AMACR: variants seen among roughly 807,000 people sequenced by gnomAD.
AMACR encodes the protein alpha-methylacyl-CoA racemase.
In AMACR, 18 loss-of-function variants were observed where a neutral mutation model predicts 22.2. That is an observed-to-expected ratio of 0.81 (90% CI 0.56 to 1.20). The LOEUF (loss-of-function observed/expected upper bound fraction) is 1.20. AMACR is among the 50% of genes most tolerant of loss of function. AMACR has a pLI of 0.00. For missense variants in AMACR, 499 were observed against 490.6 expected (o/e 1.02, Z -0.16); for synonymous variants, 213 against 191.3 (o/e 1.11, Z -0.94).
chr5:33,989,580 C>A, intron 4 of AMACR, 78 bp from the exon 5 acceptor site: 1 of 1,184,258 alleles, frequency 8.4e-7, no homozygotes. Flanking sequence ...ATGCTGAGCC[C>A]ACTGTACTAT....
At chr5:33,993,617 G>T (rs1753548326) in intron 4 of AMACR, among the ~76,000 whole-genome samples, 1 of 152,146 alleles carries the variant, frequency 6.6e-6, no homozygotes, top group Non-Finnish European at 1.5e-5. Context: ...TAGTTTGAAG[G>T]CCAGGAGTGG....
Position 33,986,942 on chromosome 5 carries a change from G to C in AMACR, c.*2151C>G, listed in dbSNP as rs901801897. The C allele has an allele frequency of 6.6e-6, 1 of 152,292 alleles. No homozygotes were observed. Among genetic ancestry groups the C allele is most frequent in the African/African-American group, 2.4e-5 (1 of 41,558 alleles). 9.4% of individuals were successfully genotyped at this position (152,292 alleles called of 1,614,324 possible). The stretch of plus-strand genomic sequence containing the variant: ...CCTCTGTTTTAAAGACTTCGAGTGG[G>C]TTATATTTTCCTTGCTGGACCGAGT... On this transcript the variant is annotated 3_prime_UTR_variant, in exon 5 of 5. Transcript: ENST00000335606.
intron 4 of AMACR, among the ~76,000 whole-genome samples, chr5:33,992,545 C>CA (rs1391794766): frequency 6.6e-6 from 1 of 151,790 alleles, no homozygotes; most frequent in Non-Finnish European, 1.5e-5. Flanking sequence ...CCTGTCTCTA[C>CA]AAAAAAATCA....
intron 1 of AMACR, 129 bp from the exon 2 acceptor site, chr5:34,006,028 A>T (rs1753966529): frequency 1.8e-6 from 2 of 1,110,904 alleles, no homozygotes; most frequent in Non-Finnish European, 2.6e-6. Flanking sequence ...GGCTAATGGC[A>T]TGTTTACAGC....
rs1753368839 is a variant in AMACR, at chr5:33,988,534, AG to A, written c.*558del. The A allele has an allele frequency of 5.7e-6, 8 of 1,396,002 alleles. No individual in the cohort carries two copies. Among genetic ancestry groups the A allele is most frequent in the Non-Finnish European group, 7.4e-6 (8 of 1,079,034 alleles). The allele number at this position is 1,396,002 out of a possible 1,614,324, so 86.5% of individuals were successfully genotyped here. On this transcript the variant is annotated 3_prime_UTR_variant, in exon 5 of 5. Coordinates refer to ENST00000335606, the MANE Select transcript of AMACR (RefSeq NM_014324.6). ...TTTTGGATATGTTTTTTTCAGTTGA[AG>A]GCATTCTGATTCAATACAGGTGAAA...
rs34689 is a variant in AMACR at position 34,007,604 on chromosome 5, A to C, written c.247+169T>G. ...AAGTTTTGGACAATCCAGTTTGGGA[A>C]GAATGATCACTAACAATACCCTAGG... On this transcript the variant is annotated intron_variant, in intron 1 of 4. Transcript: ENST00000335606. Among the ~76,000 whole-genome samples the C allele has an allele frequency of 0.25, 38,752 of 152,086 alleles. 6,335 individuals carry two copies. The highest frequency in any genetic ancestry group is 0.47 in the African/African-American group (19,527 of 41,426).
At chr5:33,998,299 TG>T (rs1396949948) in intron 4 of AMACR, among the ~76,000 whole-genome samples, 4 of 152,178 alleles carry the variant, frequency 2.6e-5, no homozygotes, top group Non-Finnish European at 5.9e-5. Context: ...GAATATTGAA[TG>T]GAAAGCAACC....
chr5:33,989,601 A>T, intron 4 of AMACR, 99 bp from the exon 5 acceptor site: 1 of 1,009,668 alleles, frequency 9.9e-7, no homozygotes, highest in Middle Eastern at 2.1e-4. Flanking sequence ...GCAAAATAAG[A>T]TGTTCTATAA....
intron 3 of AMACR, among the ~76,000 whole-genome samples, chr5:34,003,284 G>A (rs1272359449): frequency 6.6e-6 from 1 of 152,072 alleles, no homozygotes; most frequent in African/African-American, 2.4e-5. Context: ...ATCCCACCTG[G>A]ATATCTGAAA....
At position 34,005,783 on chromosome 5, in the gene AMACR, G is replaced by A. The variant is rs1279600909; in HGVS notation, c.364C>T (p.His122Tyr). ...GACAAAGCCAAATAGTTGATATCGT[G>A]GCCAGCTAACCGGCAGAAGCTTCCT... ...QSGSFCRLAG[H>Y]DINYLALSGV... Residue 122 changes from histidine to tyrosine, a missense_variant, in exon 2 of 5, where the codon CAC (histidine) becomes TAC (tyrosine). By Grantham distance (83) the His-to-Tyr change is moderately conservative. Transcript: ENST00000335606. 3.1e-6 allele frequency: 5 copies of A among 1,613,892 alleles called. No individual in the cohort carries two copies. The highest frequency in any genetic ancestry group is 1.3e-5 in the African/African-American group (1 of 74,850).
At chr5:33,997,039 T>A (rs1753659046) in intron 4 of AMACR, 1 of 675,636 alleles carries the variant, frequency 1.5e-6, no homozygotes, top group Non-Finnish European at 2.7e-6. Context: ...TAAAACTTAT[T>A]TAAGTCACTT....
intron 2 of AMACR, among the ~76,000 whole-genome samples, chr5:34,005,027 T>C (rs1753930078): frequency 1.3e-5 from 2 of 152,232 alleles, no homozygotes; most frequent in Admixed American, 6.5e-5. Context: ...ATTATTTATT[T>C]TGTGGTTTTA....
chr5:33,996,740 C>T (rs1352445150), intron 4 of AMACR, among the ~76,000 whole-genome samples: 1 of 152,078 alleles, frequency 6.6e-6, no homozygotes, highest in Non-Finnish European at 1.5e-5. Context: ...CCACTGCACT[C>T]CAGCCTTGGC....
chr5:33,988,153 C>A lies in AMACR; in HGVS notation c.*940G>T. The A allele has an allele frequency of 1.6e-6, 1 of 624,970 alleles. No homozygotes were observed. The highest frequency in any genetic ancestry group is 2.8e-5 in the East Asian group (1 of 35,712). 38.7% of individuals were successfully genotyped at this position (624,970 alleles called of 1,614,324 possible). On this transcript the variant is annotated 3_prime_UTR_variant, in exon 5 of 5. Coordinates refer to ENST00000335606, the MANE Select transcript of AMACR (RefSeq NM_014324.6). ...GTGGAATCTACCCCTTCCTCACATGCCTTTAGGAAGTTGAGTCCAGGGAAG... is the reference window on the plus strand; with the variant it reads ...GTGGAATCTACCCCTTCCTCACATGACTTTAGGAAGTTGAGTCCAGGGAAG...
chr5:34,001,241 T>C (rs1191853967), intron 3 of AMACR, among the ~76,000 whole-genome samples: 1 of 152,238 alleles, frequency 6.6e-6, no homozygotes, highest in African/African-American at 2.4e-5. Flanking sequence ...AGAGTTTAAC[T>C]GAGCAACGAA....
At chr5:33,995,595 T>C (rs750865583) in intron 4 of AMACR, among the ~76,000 whole-genome samples, 5 of 152,222 alleles carry the variant, frequency 3.3e-5, no homozygotes, top group Non-Finnish European at 5.9e-5. Context: ...CATCTTCCAA[T>C]TGACCGCAAT....
rs151086469 is a variant in AMACR, at chr5:33,989,439, T to G, written c.803A>C (p.Lys268Thr). ...QMSMDDWPEM[K>T]KKFADVFAEK... The stretch of plus-strand genomic sequence containing the variant: ...TGCAAATACATCTGCAAACTTCTTC[T>G]TCATTTCTGGCCAATCATCCATGCT... The change falls in exon 5 of 5, where the codon AAG becomes ACG. Residue 268 changes from lysine to threonine, a missense_variant. Transcript: ENST00000335606. 2 of 1,614,190 alleles carry G rather than the reference T, an allele frequency of 1.2e-6. No individual in the cohort carries two copies. Among genetic ancestry groups the G allele is most frequent in the Admixed American group, 3.3e-5 (2 of 60,022 alleles).
At position 33,986,612 on chromosome 5, in the gene AMACR, G is replaced by A. The variant is rs1753300899; in HGVS notation, c.*2481C>T. 1 of 152,182 alleles carries A rather than the reference G, an allele frequency of 6.6e-6. No individual in the cohort carries two copies. The highest frequency in any genetic ancestry group is 1.5e-5 in the Non-Finnish European group (1 of 68,036). The allele number at this position is 152,182 out of a possible 1,614,324, so 9.4% of individuals were successfully genotyped here. On this transcript the variant is annotated 3_prime_UTR_variant, in exon 5 of 5. Coordinates refer to ENST00000335606, the MANE Select transcript of AMACR (RefSeq NM_014324.6). Reference sequence around the variant, plus strand: ...CATTTCCAGGGTTCCCTTGTTTTCTGGCTTCTAGGTAGATTTGGCTAATGG... The same window carrying A: ...CATTTCCAGGGTTCCCTTGTTTTCTAGCTTCTAGGTAGATTTGGCTAATGG...
chr5:34,000,767 T>C (rs1753791527), intron 3 of AMACR, among the ~76,000 whole-genome samples: 1 of 152,254 alleles, frequency 6.6e-6, no homozygotes. Flanking sequence ...CTGAAAGCGA[T>C]GAGACAATCA....
Sources: gnomAD v4.1 joint callset for allele counts (sites outside exome capture counted in the v4.1 genomes callset) on GRCh38, gnomAD v4.1.1 for gene constraint, MANE v1.5 for transcripts, NCBI Gene and HGNC (gene_info 2026-07-23, HGNC 2026-07-21) for gene names.